Variants in EFNA5 observed in about 807,000 individuals in gnomAD.
EFNA5 encodes ephrin A5, also known as ephrin-A5.
Under a neutral mutation model 22.9 loss-of-function variants are expected in EFNA5, and 5 were observed. The observed-to-expected ratio is 0.22, with a 90% CI of 0.11 to 0.46. The LOEUF (loss-of-function observed/expected upper bound fraction) is 0.46. Among genes scored for constraint, EFNA5 ranks in the 20% least tolerant of loss-of-function variants. The pLI is 0.99. For synonymous variants in EFNA5, 113 were observed against 112.2 expected (o/e 1.01, Z -0.04); for missense variants, 237 against 293.3 (o/e 0.81, Z 1.40).
chr5:107,499,265 A>T (rs1292632393), intron 1 of EFNA5, among the ~76,000 whole-genome samples: 2 of 152,216 alleles, frequency 1.3e-5, no homozygotes, highest in Non-Finnish European at 2.9e-5. Flanking sequence ...CTGCCCTGAT[A>T]TGGGCACTGC....
intron 1 of EFNA5, among the ~76,000 whole-genome samples, chr5:107,509,498 T>C (rs1747320688): frequency 6.7e-6 from 1 of 149,442 alleles, no homozygotes; most frequent in South Asian, 2.1e-4. Context: ...TTTTTTTTTT[T>C]TTTTTTGTAT....
chr5:107,487,801 T>C (rs1402502410), intron 1 of EFNA5, among the ~76,000 whole-genome samples: 2 of 152,212 alleles, frequency 1.3e-5, no homozygotes, highest in Non-Finnish European at 2.9e-5. Flanking sequence ...ATCATATTTG[T>C]ATCCCCTATA....
At chr5:107,420,158 C>T (rs781371783) in intron 2 of EFNA5, among the ~76,000 whole-genome samples, 50 of 152,050 alleles carry the variant, frequency 3.3e-4, no homozygotes, top group Non-Finnish European at 4.6e-4. Context: ...CATAGTAATC[C>T]TAGCATAATG....
chr5:107,576,211 T>C (rs1411412788), intron 1 of EFNA5, among the ~76,000 whole-genome samples: 1 of 152,192 alleles, frequency 6.6e-6, no homozygotes, highest in Non-Finnish European at 1.5e-5. Context: ...TCCATCATCA[T>C]TATCATACTC....
chr5:107,564,640 T>A (rs972135827), intron 1 of EFNA5, among the ~76,000 whole-genome samples: 4 of 150,398 alleles, frequency 2.7e-5, no homozygotes, highest in African/African-American at 9.8e-5. Flanking sequence ...TGTTTTTTTT[T>A]TTTTTTTTTT....
At chr5:107,598,292 G>C (rs1418456703) in intron 1 of EFNA5, among the ~76,000 whole-genome samples, 2 of 152,060 alleles carry the variant, frequency 1.3e-5, no homozygotes, top group African/African-American at 4.8e-5. Context: ...GTCCTGCCCT[G>C]AGTCCTGCAT....
intron 1 of EFNA5, among the ~76,000 whole-genome samples, chr5:107,474,003 C>T (rs1373181033): frequency 6.6e-6 from 1 of 152,156 alleles, no homozygotes; most frequent in Admixed American, 6.6e-5. Context: ...GACTATCATG[C>T]TTTTGACACA....
chr5:107,654,345 A>G (rs1193286881), intron 1 of EFNA5, among the ~76,000 whole-genome samples: 2 of 151,988 alleles, frequency 1.3e-5, no homozygotes. Flanking sequence ...CAGTGGGTTT[A>G]AACTTTTTTT....
intron 1 of EFNA5, among the ~76,000 whole-genome samples, chr5:107,624,864 C>T (rs1750112717): frequency 6.6e-6 from 1 of 151,976 alleles, no homozygotes; most frequent in African/African-American, 2.4e-5. Flanking sequence ...TAAGAGAAAA[C>T]AATACGGTTT....
intron 2 of EFNA5, among the ~76,000 whole-genome samples, chr5:107,407,223 C>A (rs1030198146): frequency 6.6e-6 from 1 of 152,144 alleles, no homozygotes; most frequent in Non-Finnish European, 1.5e-5. Context: ...TTCTTGGTGA[C>A]CTTTTTTGCA....
At chr5:107,660,412 T>A (rs896608573) in intron 1 of EFNA5, among the ~76,000 whole-genome samples, 1 of 149,666 alleles carries the variant, frequency 6.7e-6, no homozygotes. Context: ...TTTCCTTGAA[T>A]CTTTGTTGAC....
intron 1 of EFNA5, among the ~76,000 whole-genome samples, chr5:107,588,645 C>T (rs1468109931): frequency 6.6e-6 from 1 of 152,174 alleles, no homozygotes; most frequent in Non-Finnish European, 1.5e-5. Context: ...GGTAGCATTA[C>T]AATCTTGAAT....
chr5:107,543,861 CA>C (rs1057345272), intron 1 of EFNA5, among the ~76,000 whole-genome samples: 77 of 152,156 alleles, frequency 5.1e-4, no homozygotes, highest in African/African-American at 1.7e-3. Context: ...AATGGGATTT[CA>C]AATACCGAAC....
intron 1 of EFNA5, among the ~76,000 whole-genome samples, chr5:107,661,130 A>T (rs796140629): frequency 7.5e-5 from 7 of 93,542 alleles, no homozygotes; most frequent in African/African-American, 2.5e-4. Context: ...AAAAAAAAAG[A>T]AGAAGAAGAA....
At chr5:107,470,964 C>G (rs1424993259) in intron 1 of EFNA5, among the ~76,000 whole-genome samples, 5 of 152,160 alleles carry the variant, frequency 3.3e-5, no homozygotes, top group Non-Finnish European at 7.4e-5. Flanking sequence ...CTGATGATTT[C>G]TTTCTTGATA....
At chr5:107,478,547 C>G (rs1750371766) in intron 1 of EFNA5, among the ~76,000 whole-genome samples, 2 of 152,160 alleles carry the variant, frequency 1.3e-5, no homozygotes, top group Admixed American at 1.3e-4. Flanking sequence ...TTGTGAGACT[C>G]AGACAACGAA....
At chr5:107,520,283 G>A (rs1747566986) in intron 1 of EFNA5, among the ~76,000 whole-genome samples, 1 of 152,146 alleles carries the variant, frequency 6.6e-6, no homozygotes, top group Admixed American at 6.6e-5. Flanking sequence ...CTTTATAAAG[G>A]CAGTGAATCA....
At chr5:107,577,485 C>T (rs1420461778) in intron 1 of EFNA5, among the ~76,000 whole-genome samples, 2 of 151,810 alleles carry the variant, frequency 1.3e-5, no homozygotes, top group Non-Finnish European at 2.9e-5. Context: ...AAAGGCAGGC[C>T]GAAACGGGAA....
intron 1 of EFNA5, among the ~76,000 whole-genome samples, chr5:107,612,113 G>A (rs1749828624): frequency 6.6e-6 from 1 of 152,080 alleles, no homozygotes; most frequent in Non-Finnish European, 1.5e-5. Context: ...ATTCTACCAT[G>A]TCTCAAATAG....
Sources: allele counts gnomAD v4.1 joint callset (sites outside exome capture counted in the v4.1 genomes callset), GRCh38; gene constraint gnomAD v4.1.1; transcripts MANE v1.5; gene names NCBI Gene and HGNC (gene_info 2026-07-23, HGNC 2026-07-21).